ST7: variants seen among roughly 807,000 people sequenced by gnomAD.
ST7 encodes suppressor of tumorigenicity 7 protein.
ST7 carries 28 observed loss-of-function variants against 78.7 expected under a neutral mutation model. The ratio of observed to expected loss-of-function variants is 0.36; its 90% CI spans 0.26 to 0.49. The LOEUF (loss-of-function observed/expected upper bound fraction) is 0.49. Among genes scored for constraint, ST7 ranks in the 20% least tolerant of loss-of-function variants. The probability of loss-of-function intolerance (pLI) is 0.99; values close to 1 mark genes in which losing one functional copy is unlikely to be tolerated. For missense variants in ST7, 418 were observed against 696.0 expected (o/e 0.60, Z 4.49); for synonymous variants, 247 against 249.6 (o/e 0.99, Z 0.10).
intron 1 of ST7, among the ~76,000 whole-genome samples, chr7:116,991,059 G>C (rs55840193): frequency 0.29 from 44,641 of 152,004 alleles, 6,717 homozygotes; most frequent in Admixed American, 0.39. Flanking sequence ...TCAAAGGTTT[G>C]TTCGTTCTCG....
At chr7:117,115,729 T>C (rs1802830378) in intron 2 of ST7, among the ~76,000 whole-genome samples, 1 of 152,128 alleles carries the variant, frequency 6.6e-6, no homozygotes, top group Admixed American at 6.5e-5. Flanking sequence ...CCACCATCAG[T>C]TTCTCTCTTT....
chr7:117,052,900 CAAA>C (rs974985903), intron 1 of ST7, among the ~76,000 whole-genome samples: 1 of 152,018 alleles, frequency 6.6e-6, no homozygotes, highest in Admixed American at 6.6e-5. Flanking sequence ...TCTCAAAAAA[CAAA>C]AAAACAAACA....
chr7:117,125,490 TTACTTCTAATCA>T (rs893030629), intron 3 of ST7, among the ~76,000 whole-genome samples: 2 of 152,102 alleles, frequency 1.3e-5, no homozygotes, highest in Non-Finnish European at 2.9e-5. Context: ...TTTTGTGCCT[TTACTTCTAATCA>T]TTGTTTCAAA....
intron 9 of ST7, among the ~76,000 whole-genome samples, chr7:117,150,033 G>T (rs1806127957): frequency 6.6e-6 from 1 of 152,134 alleles, no homozygotes; most frequent in Admixed American, 6.5e-5. Flanking sequence ...GGATCAGGTT[G>T]GGAGACAGAG....
At chr7:116,995,149 A>G (rs901015812) in intron 1 of ST7, among the ~76,000 whole-genome samples, 3 of 152,166 alleles carry the variant, frequency 2.0e-5, no homozygotes, top group East Asian at 3.8e-4. Flanking sequence ...GCTTTCTGAT[A>G]TGACCTAAGT....
chr7:117,184,741 A>G (rs575242517), intron 10 of ST7, among the ~76,000 whole-genome samples: 59 of 152,332 alleles, frequency 3.9e-4, no homozygotes, highest in Non-Finnish European at 7.5e-4. Flanking sequence ...AATTGGATAG[A>G]CATGCACACT....
chr7:117,094,058 C>T (rs909575022), intron 1 of ST7, among the ~76,000 whole-genome samples: 2 of 152,150 alleles, frequency 1.3e-5, no homozygotes, highest in Non-Finnish European at 2.9e-5. Context: ...GGGGAAGACA[C>T]ACAGCTGTCC....
intron 1 of ST7, chr7:117,020,507 T>C (rs1795837180): frequency 1.4e-6 from 2 of 1,427,006 alleles, no homozygotes; most frequent in Non-Finnish European, 1.9e-6. Flanking sequence ...TGTAGCCGGC[T>C]CATCTCTTCA....
intron 1 of ST7, among the ~76,000 whole-genome samples, chr7:117,034,921 A>G (rs147632374): frequency 6.6e-6 from 1 of 152,328 alleles, no homozygotes; most frequent in African/African-American, 2.4e-5. Flanking sequence ...TTTAGGATTT[A>G]TACTAACATG....
Position 117,223,116 on chromosome 7 carries a change from A to G in ST7, c.1638+1054A>G, listed in dbSNP as rs1401935690. 9 of 654,832 alleles carry G rather than the reference A, an allele frequency of 1.4e-5. No homozygotes were observed. In the Admixed American group the frequency reaches 1.6e-4, roughly 11 times the overall value. 40.6% of individuals were successfully genotyped at this position (654,832 alleles called of 1,614,324 possible). A position where few individuals can be genotyped will look rare whatever the true frequency, so the allele number is the denominator to read the frequency against. On this transcript the variant is annotated intron_variant, in intron 15 of 15. Transcript: ENST00000323984. ...TTCCCTCTCTCACTCCCCACATCCC[A>G]TCGTCTCGGCCTTCACAATCTGTCA...
chr7:117,161,385 TAAC>T (rs1246639236), intron 9 of ST7, among the ~76,000 whole-genome samples: 1 of 152,054 alleles, frequency 6.6e-6, no homozygotes, highest in Non-Finnish European at 1.5e-5. Context: ...TAATACATAG[TAAC>T]AAATTAATTA....
chr7:117,141,762 C>T (rs1483486275), intron 9 of ST7, among the ~76,000 whole-genome samples: 1 of 152,074 alleles, frequency 6.6e-6, no homozygotes, highest in Admixed American at 6.6e-5. Context: ...CTTGACTTCC[C>T]AAGCTCAAGT....
chr7:116,974,388 C>T (rs554021933), intron 1 of ST7, among the ~76,000 whole-genome samples: 6 of 151,652 alleles, frequency 4.0e-5, no homozygotes, highest in East Asian at 3.9e-4. Flanking sequence ...CCTGGGTTCA[C>T]GACATTCTCC....
In ST7 at chr7:117,229,808, T is replaced by C; in HGVS notation, c.1685T>C (p.Val562Ala). 1 of 1,613,968 alleles carries C rather than the reference T, an allele frequency of 6.2e-7. No homozygotes were observed. The highest frequency in any genetic ancestry group is 8.5e-7 in the Non-Finnish European group (1 of 1,180,006). The change falls in exon 16 of 16, where the codon GTG becomes GCG. Residue 562 changes from valine to alanine, a missense_variant. Physicochemically the swap from Val to Ala is moderately conservative, Grantham distance 64 (BLOSUM62 0). Coordinates refer to ENST00000323984, the MANE Select transcript of ST7 (RefSeq NM_001369598.1). ...FAPLNFVMEK[V>A]ESILPSSLWH... is the part of the protein sequence containing the mutation. ...CCCTTAAACTTTGTCATGGAGAAAG[T>C]GGAGAGCATCCTCCCATCCAGTCTG...
intron 1 of ST7, among the ~76,000 whole-genome samples, chr7:117,035,518 G>A (rs1796843317): frequency 6.6e-6 from 1 of 152,122 alleles, no homozygotes; most frequent in Non-Finnish European, 1.5e-5. Flanking sequence ...TTTGCTTAAA[G>A]TAAAACACGC....
intron 10 of ST7, among the ~76,000 whole-genome samples, chr7:117,186,654 T>C (rs1809287548): frequency 3.3e-5 from 5 of 152,244 alleles, no homozygotes; most frequent in Admixed American, 3.3e-4. Flanking sequence ...ATTATTCCAA[T>C]CTTTGTGCAT....
At chr7:117,194,915 C>A (rs1431752686) in intron 12 of ST7, among the ~76,000 whole-genome samples, 1 of 152,178 alleles carries the variant, frequency 6.6e-6, no homozygotes, top group African/African-American at 2.4e-5. Flanking sequence ...ACACTGCAAG[C>A]CTTTCACTGC....
At chr7:117,222,927 G>A in intron 15 of ST7, 1 of 1,614,106 alleles carries the variant, frequency 6.2e-7, no homozygotes, top group South Asian at 1.1e-5. Flanking sequence ...CATGCGTGTT[G>A]AAGATGAACT....
chr7:117,194,186 C>T (rs779989336), intron 12 of ST7, among the ~76,000 whole-genome samples: 7 of 152,200 alleles, frequency 4.6e-5, no homozygotes, highest in African/African-American at 9.6e-5. Context: ...CACATAGGCT[C>T]ATCATTACCA....
Sources: gnomAD v4.1 joint callset for allele counts (sites outside exome capture counted in the v4.1 genomes callset) on GRCh38, gnomAD v4.1.1 for gene constraint, MANE v1.5 for transcripts, NCBI Gene and HGNC (gene_info 2026-07-23, HGNC 2026-07-21) for gene names.